CFAP68: variants seen among roughly 807,000 people sequenced by gnomAD.
The protein encoded by CFAP68 is cilia- and flagella-associated protein 68.
the CFAP68 span, among the ~76,000 whole-genome samples, chr11:111,881,998 C>T: frequency 6.6e-6 from 1 of 152,212 alleles, no homozygotes; most frequent in Non-Finnish European, 1.5e-5. Context: ...ACTCAACTCT[C>T]ACTTCTTTTT....
the CFAP68 span, among the ~76,000 whole-genome samples, chr11:111,880,038 G>T: frequency 6.6e-6 from 1 of 152,200 alleles, no homozygotes; most frequent in East Asian, 1.9e-4. Context: ...GCAGGGGCCA[G>T]GTCATAGGGA....
the CFAP68 span, chr11:111,885,435 C>G: frequency 1.3e-5 from 2 of 152,172 alleles, no homozygotes; most frequent in African/African-American, 4.8e-5. Context: ...GCTCATTAAA[C>G]CTATTGTAGT....
chr11:111,883,821 C>T, the CFAP68 span: 1 of 1,613,660 alleles, frequency 6.2e-7, no homozygotes, highest in South Asian at 1.1e-5. Context: ...TGAACTGGAT[C>T]CTCCCCGATA....
the CFAP68 span, chr11:111,879,631 C>G: frequency 3.7e-6 from 6 of 1,606,236 alleles, no homozygotes; most frequent in Non-Finnish European, 5.1e-6. Flanking sequence ...ATCTTCTATT[C>G]GTTCAAGAAA....
the CFAP68 span, chr11:111,882,263 G>A: frequency 1.7e-5 from 14 of 847,276 alleles, no homozygotes; most frequent in Middle Eastern, 2.3e-4. Flanking sequence ...TCATTAGTAC[G>A]GTGTGCTTGT....
chr11:111,879,856 T>C, the CFAP68 span, among the ~76,000 whole-genome samples: 50 of 152,160 alleles, frequency 3.3e-4, no homozygotes, highest in Middle Eastern at 3.4e-3. Context: ...AGTCCTTGGA[T>C]GAAGTAAACC....
the CFAP68 span, chr11:111,884,473 CAAA>C: frequency 7.8e-5 from 8 of 102,092 alleles, no homozygotes; most frequent in Admixed American, 1.1e-4. Context: ...GACTCTGTCT[CAAA>C]AAAAAAAAAA....
the CFAP68 span, chr11:111,881,491 G>A: frequency 6.5e-7 from 1 of 1,536,022 alleles, no homozygotes; most frequent in Non-Finnish European, 8.7e-7. Context: ...GGAGAACTGG[G>A]AAAGCCAGGT....
At chr11:111,882,617 T>G in the CFAP68 span, 1 of 1,532,848 alleles carries the variant, frequency 6.5e-7, no homozygotes, top group Non-Finnish European at 8.8e-7. Context: ...ACTTTGTCTT[T>G]TTTGTTTGTT....
chr11:111,883,231 C>T, the CFAP68 span: 5 of 1,522,372 alleles, frequency 3.3e-6, no homozygotes, highest in Non-Finnish European at 4.5e-6. Context: ...CAAATTCTTA[C>T]ATTTTCAGAA....
At chr11:111,883,982 G>A in the CFAP68 span, 1 of 826,070 alleles carries the variant, frequency 1.2e-6, no homozygotes, top group Non-Finnish European at 1.9e-6. Context: ...AGAGTGAAAT[G>A]TAGGAGGGAG....
chr11:111,882,676 G>T, the CFAP68 span: 7 of 1,283,494 alleles, frequency 5.5e-6, no homozygotes, highest in Non-Finnish European at 7.4e-6. Flanking sequence ...TGAAATGCAG[G>T]GATGTAATAA....
At chr11:111,885,607 T>A in the CFAP68 span, 2 of 152,186 alleles carry the variant, frequency 1.3e-5, no homozygotes, top group South Asian at 4.1e-4. Flanking sequence ...GTGAATAGCT[T>A]AGGTTTGGTA....
At chr11:111,882,733 G>A in the CFAP68 span, 1 of 808,606 alleles carries the variant, frequency 1.2e-6, no homozygotes, top group African/African-American at 1.7e-5. Context: ...GGTTGGGGCA[G>A]AGGAACAGTC....
chr11:111,881,982 CTAGT>C, the CFAP68 span, among the ~76,000 whole-genome samples: 1 of 152,192 alleles, frequency 6.6e-6, no homozygotes, highest in Non-Finnish European at 1.5e-5. Flanking sequence ...ATTGTGTTAT[CTAGT>C]TACTCAACTC....
the CFAP68 span, chr11:111,881,460 T>C: frequency 6.5e-7 from 1 of 1,535,932 alleles, no homozygotes; most frequent in South Asian, 1.2e-5. Flanking sequence ...CATGGTAATC[T>C]GGGTGATTCT....
chr11:111,882,431 C>G, the CFAP68 span: 1 of 1,614,132 alleles, frequency 6.2e-7, no homozygotes, highest in South Asian at 1.1e-5. Flanking sequence ...TGCAGATGGC[C>G]ATGGTGAAGT....
chr11:111,883,757 T>G, the CFAP68 span: 1 of 1,569,698 alleles, frequency 6.4e-7, no homozygotes, highest in Non-Finnish European at 8.8e-7. Flanking sequence ...CTTCCTTTTT[T>G]TTTCTTCCCT....
the CFAP68 span, chr11:111,881,125 G>C: frequency 9.8e-7 from 1 of 1,015,548 alleles, no homozygotes; most frequent in Non-Finnish European, 1.2e-6. Context: ...GTGACTGGAT[G>C]AAAATTAAAG....
Sources: gnomAD v4.1 joint callset for allele counts (sites outside exome capture counted in the v4.1 genomes callset) on GRCh38, gnomAD v4.1.1 for gene constraint, MANE v1.5 for transcripts, NCBI Gene and HGNC (gene_info 2026-07-23, HGNC 2026-07-21) for gene names.